The following ZC3H13 variants were observed in gnomAD, a reference collection of about 807,000 sequenced individuals.
The protein encoded by ZC3H13 is zinc finger CCCH-type containing 13.
Under a neutral mutation model 204.1 loss-of-function variants are expected in ZC3H13, and 64 were observed. That is an observed-to-expected ratio of 0.31 (90% confidence interval 0.26 to 0.39). The LOEUF (loss-of-function observed/expected upper bound fraction) is 0.39. Ranked by LOEUF, ZC3H13 falls within the 10% of genes least tolerant of loss-of-function variation. The probability of loss-of-function intolerance (pLI) is 1.00; values close to 1 mark genes in which losing one functional copy is unlikely to be tolerated. For synonymous variants in ZC3H13, 667 were observed against 693.7 expected, an observed-to-expected ratio of 0.96 and a Z score of 0.60; for missense variants, 1,833 against 2,082.7, an observed-to-expected ratio of 0.88 and a Z score of 2.33.
chr13:45,970,422 G>C lies in ZC3H13; in HGVS notation c.2512C>G (p.Pro838Ala). 6.2e-7 allele frequency: 1 copy of C among 1,613,938 alleles called. No homozygotes were observed. The highest frequency in any genetic ancestry group is 1.1e-5 in the South Asian group (1 of 91,068). ...NEGSPSPRQS[P>A]KRRREHSPDS... Reference sequence around the variant, plus strand: ...GGAGAATGTTCACGCCGGCGCTTCGGGGACTGTCTAGGGCTGGGACTCCCT... The same window carrying C: ...GGAGAATGTTCACGCCGGCGCTTCGCGGACTGTCTAGGGCTGGGACTCCCT... Residue 838 changes from proline (P) to alanine (A), a missense_variant, in exon 13 of 19, where the codon CCG (proline) becomes GCG (alanine). Around this residue, in one of 5 missense-constraint regions of ZC3H13, gnomAD observed 1,574 missense variants for 1,757.2 expected, o/e 0.90. Coordinates refer to ENST00000679008, the MANE Select transcript of ZC3H13 (RefSeq NM_001330564.2).
chr13:46,042,855 T>C (rs1457673929), intron 3 of ZC3H13, among the ~76,000 whole-genome samples: 1 of 152,044 alleles, frequency 6.6e-6, no homozygotes, highest in Non-Finnish European at 1.5e-5. Context: ...AGCTTTAAAA[T>C]TTATCTTAAA....
chr13:45,963,080 G>A, intron 17 of ZC3H13: 1 of 983,138 alleles, frequency 1.0e-6, no homozygotes, highest in Non-Finnish European at 1.2e-6. Flanking sequence ...TGTTCTAAGT[G>A]TTTTGCCTGT....
intron 4 of ZC3H13, among the ~76,000 whole-genome samples, chr13:46,029,776 T>C (rs573414328): frequency 6.6e-6 from 1 of 152,252 alleles, no homozygotes; most frequent in South Asian, 2.1e-4. Context: ...ATTATCCTAA[T>C]TCTGAAACCA....
intron 8 of ZC3H13, among the ~76,000 whole-genome samples, chr13:45,995,291 A>C (rs961878765): frequency 6.6e-6 from 1 of 152,204 alleles, no homozygotes; most frequent in Non-Finnish European, 1.5e-5. Context: ...ACAAAAGCTA[A>C]AAGTACAATT....
chr13:45,976,699 T>A (rs1164994921), intron 11 of ZC3H13, among the ~76,000 whole-genome samples: 1 of 152,044 alleles, frequency 6.6e-6, no homozygotes, highest in African/African-American at 2.4e-5. Flanking sequence ...TAAAAAAACG[T>A]TTAAGAGGAT....
chr13:46,021,857 AT>A (rs2042238338), intron 4 of ZC3H13, among the ~76,000 whole-genome samples: 1 of 151,906 alleles, frequency 6.6e-6, no homozygotes, highest in Non-Finnish European at 1.5e-5. Flanking sequence ...ATCCCAAACA[AT>A]TTTTGAATGT....
At chr13:45,963,425 TG>T (rs1212050850) in intron 17 of ZC3H13, 56 of 992,196 alleles carry the variant, frequency 5.6e-5, no homozygotes, top group Non-Finnish European at 6.7e-5. Context: ...TTGGTTAATT[TG>T]TTTTTTTTTT....
At chr13:46,007,887 T>C (rs1225395025) in intron 7 of ZC3H13, among the ~76,000 whole-genome samples, 1 of 152,132 alleles carries the variant, frequency 6.6e-6, no homozygotes, top group Non-Finnish European at 1.5e-5. Flanking sequence ...CAAAGAGCTA[T>C]AAAGAAAAAT....
At chr13:45,999,069 C>T (rs775739743) in intron 8 of ZC3H13, among the ~76,000 whole-genome samples, 8 of 152,136 alleles carry the variant, frequency 5.3e-5, no homozygotes, top group Admixed American at 4.6e-4. Context: ...GAGACCTCAT[C>T]TCTACAAAAA....
In ZC3H13 at chr13:45,969,695, T is replaced by A. The variant is rs776012824; in HGVS notation, c.2849A>T (p.Asp950Val). 28 of 1,613,494 alleles carry A rather than the reference T, an allele frequency of 1.7e-5. 1 individual carries two copies. The South Asian group carries it at 3.1e-4, about 18-fold the overall frequency. Residue 950 changes from aspartate to valine, a missense_variant, in exon 14 of 19, where the codon GAT (aspartate) becomes GTT (valine). This residue lies in a region of ZC3H13 where 1,574 missense variants were observed against 1,757.2 expected (regional missense o/e 0.90). Coordinates refer to ENST00000679008, the MANE Select transcript of ZC3H13 (RefSeq NM_001330564.2). The part of the protein sequence containing the change: ...HHQSEDRETS[D>V]RAHDENKKKA... ...CTTCTTGTTTTCATCATGAGCTCGA[T>A]CAGATGTCTCTCGATCTTCAGACTG...
In ZC3H13 at chr13:45,967,864, T is replaced by G; in HGVS notation, c.3961A>C (p.Arg1321=). 2 of 1,614,112 alleles carry G rather than the reference T, an allele frequency of 1.2e-6. No individual in the cohort carries two copies. The highest frequency in any genetic ancestry group is 1.7e-6 in the Non-Finnish European group (2 of 1,180,030). Residue 1321 remains arginine (R), a synonymous_variant, in exon 15 of 19, where the codon AGA becomes CGA. Transcript: ENST00000679008. ...RERERRDTRQ[R]EWDRDADKDW... ...TTATCAGCATCTCGGTCCCATTCTC[T>G]CTGCCTCGTATCTCTCCTCTCTCTC...
intron 8 of ZC3H13, among the ~76,000 whole-genome samples, chr13:45,995,103 A>C (rs1474041549): frequency 6.6e-6 from 1 of 152,134 alleles, no homozygotes; most frequent in East Asian, 1.9e-4. Context: ...TATTTTATTA[A>C]TGTCATTATA....
rs1413117488 is a variant in ZC3H13 at position 45,964,175 on chromosome 13, TTAAAA to T, written c.4475-138_4475-134del. ...ACTTTAAACCAAAAATGTCCTATTC[TTAAAA>T]TAAAAGCCTTCCCATATAATACTCA... On this transcript the variant is annotated intron_variant, in intron 16 of 18. Transcript: ENST00000679008. 4 of 768,530 alleles carry T rather than the reference TTAAAA, an allele frequency of 5.2e-6. No homozygotes were observed. In the African/African-American group the frequency reaches 5.3e-5, roughly 10 times the overall value. 47.6% of individuals were successfully genotyped at this position (768,530 alleles called of 1,614,324 possible). A position where few individuals can be genotyped will look rare whatever the true frequency, so the allele number is the denominator to read the frequency against.
At chr13:45,990,417 T>C (rs2039887329) in intron 8 of ZC3H13, among the ~76,000 whole-genome samples, 1 of 152,200 alleles carries the variant, frequency 6.6e-6, no homozygotes, top group Non-Finnish European at 1.5e-5. Flanking sequence ...AGAAAGAATA[T>C]GCAGAAAAGA....
At chr13:46,051,301 A>G (rs1276768028) in intron 1 of ZC3H13, among the ~76,000 whole-genome samples, 1 of 152,196 alleles carries the variant, frequency 6.6e-6, no homozygotes, top group Non-Finnish European at 1.5e-5. Flanking sequence ...TACATTTGAT[A>G]AAACTGAATC....
intron 7 of ZC3H13, 71 bp downstream of exon 7, chr13:46,010,257 TACTAAAAGTACCCTTTTATA>T: frequency 7.9e-7 from 1 of 1,258,186 alleles, no homozygotes; most frequent in East Asian, 2.4e-5. Context: ...ATATAAAATG[TACTAAAAGTACCCTTTTATA>T]ACCTACTAAT....
intron 4 of ZC3H13, among the ~76,000 whole-genome samples, chr13:46,038,838 T>A (rs140192336): frequency 0.014 from 2,082 of 152,114 alleles, 41 homozygotes; most frequent in African/African-American, 0.047. Context: ...CTGCCCAACA[T>A]AGTGAAACCC....
intron 8 of ZC3H13, among the ~76,000 whole-genome samples, chr13:45,994,383 G>A (rs1037013277): frequency 5.9e-5 from 9 of 152,018 alleles, no homozygotes; most frequent in African/African-American, 2.2e-4. Flanking sequence ...ATTGTTCAAG[G>A]GTCAACTGTA....
At chr13:46,033,363 T>C (rs113966542) in intron 4 of ZC3H13, among the ~76,000 whole-genome samples, 1 of 152,074 alleles carries the variant, frequency 6.6e-6, no homozygotes, top group African/African-American at 2.4e-5. Context: ...TCTTAAGAAC[T>C]ATATAGAAAC....
Sources: allele counts gnomAD v4.1 joint callset (sites outside exome capture counted in the v4.1 genomes callset), GRCh38; gene constraint gnomAD v4.1.1; regional missense constraint gnomAD v4.1.1; transcripts MANE v1.5; gene names NCBI Gene and HGNC (gene_info 2026-07-23, HGNC 2026-07-21).